HPSE2: variants seen among roughly 807,000 people sequenced by gnomAD.
The protein encoded by HPSE2 is inactive heparanase-2.
HPSE2 carries 38 observed loss-of-function variants against 60.5 expected under a neutral mutation model. The ratio of observed to expected loss-of-function variants is 0.63; its 90% CI spans 0.48 to 0.82. The LOEUF is 0.82. Ranked by LOEUF, HPSE2 falls within the 40% of genes least tolerant of loss-of-function variation. The probability of loss-of-function intolerance (pLI) is 0.00; values close to 1 mark genes in which losing one functional copy is unlikely to be tolerated. For missense variants in HPSE2, 713 were observed against 740.4 expected (o/e 0.96, Z 0.43); for synonymous variants, 295 against 293.2 (o/e 1.01, Z -0.06).
chr10:99,163,385 G>A (rs1262363478), intron 2 of HPSE2, among the ~76,000 whole-genome samples: 1 of 151,964 alleles, frequency 6.6e-6, no homozygotes, highest in Admixed American at 6.6e-5. Context: ...AATACGTAAA[G>A]TCCTCAGTTT....
At chr10:98,964,426 T>C (rs1260637854) in intron 3 of HPSE2, among the ~76,000 whole-genome samples, 1 of 152,158 alleles carries the variant, frequency 6.6e-6, no homozygotes, top group Non-Finnish European at 1.5e-5. Context: ...TTTAATAATC[T>C]TTTAGAATCC....
intron 3 of HPSE2, among the ~76,000 whole-genome samples, chr10:98,855,506 T>G (rs1419700258): frequency 6.6e-6 from 1 of 152,042 alleles, no homozygotes; most frequent in East Asian, 1.9e-4. Context: ...TCCATGCTCC[T>G]AGGGGACAGG....
intron 3 of HPSE2, among the ~76,000 whole-genome samples, chr10:98,840,015 C>CT (rs1383462143): frequency 2.6e-5 from 4 of 152,220 alleles, no homozygotes; most frequent in African/African-American, 9.6e-5. Context: ...TTGGATTTTT[C>CT]TTTTTTGCAA....
intron 2 of HPSE2, among the ~76,000 whole-genome samples, chr10:99,165,751 T>C (rs1472391374): frequency 6.6e-6 from 1 of 152,028 alleles, no homozygotes; most frequent in Non-Finnish European, 1.5e-5. Context: ...TTCACCATGC[T>C]GGTCAGGCTG....
intron 5 of HPSE2, among the ~76,000 whole-genome samples, chr10:98,697,299 C>A (rs10883163): frequency 0.57 from 87,319 of 151,940 alleles, 25,963 homozygotes; most frequent in South Asian, 0.78. Flanking sequence ...TAAGCAGTTT[C>A]GAGAGGAACA....
At chr10:98,654,781 T>C (rs1947014154) in intron 6 of HPSE2, among the ~76,000 whole-genome samples, 1 of 152,340 alleles carries the variant, frequency 6.6e-6, no homozygotes, top group Middle Eastern at 3.4e-3. Flanking sequence ...ATTTTTTTTG[T>C]TGAAAACTGA....
At position 98,614,992 on chromosome 10, in the gene HPSE2, G is replaced by T; in HGVS notation, c.1232C>A (p.Ala411Asp). Residue 411 changes from alanine to aspartate, a missense_variant, in exon 9 of 12, where the codon GCC (alanine) becomes GAC (aspartate). Ala to Asp is a moderately radical substitution (Grantham distance 126). Coordinates refer to ENST00000370552, the MANE Select transcript of HPSE2 (RefSeq NM_021828.5). Reference protein sequence around the residue: ...FLWLNTLGMLANQGIDVVIRH... With the variant: ...FLWLNTLGMLDNQGIDVVIRH... The stretch of plus-strand genomic sequence containing the variant: ...TATCACGACATCAATGCCCTGATTG[G>T]CCAGCATTCCTAAAGTGTTCAACCA... The T allele has an allele frequency of 6.2e-7, 1 of 1,613,778 alleles. No homozygotes were observed. Among genetic ancestry groups the T allele is most frequent in the Non-Finnish European group, 8.5e-7 (1 of 1,179,756 alleles).
intron 7 of HPSE2, among the ~76,000 whole-genome samples, chr10:98,627,896 A>G (rs985509409): frequency 2.0e-5 from 3 of 152,232 alleles, no homozygotes; most frequent in Non-Finnish European, 2.9e-5. Flanking sequence ...AAGCAGCAGG[A>G]AAGGCCAGTT....
chr10:98,588,358 T>C (rs1452067679), intron 9 of HPSE2, among the ~76,000 whole-genome samples: 1 of 152,136 alleles, frequency 6.6e-6, no homozygotes, highest in African/African-American at 2.4e-5. Flanking sequence ...AAGGAGAAAC[T>C]GAAAGACAGG....
At chr10:98,617,666 C>G (rs1225446349) in intron 8 of HPSE2, among the ~76,000 whole-genome samples, 1 of 152,190 alleles carries the variant, frequency 6.6e-6, no homozygotes, top group African/African-American at 2.4e-5. Context: ...AAGCAATGGT[C>G]TTCCCATTCT....
At chr10:99,263,893 C>T in the HPSE2 span, among the ~76,000 whole-genome samples, 1 of 152,142 alleles carries the variant, frequency 6.6e-6, no homozygotes, top group African/African-American at 2.4e-5. Flanking sequence ...TTGACTCCCT[C>T]TTGGAGTGGA....
At chr10:98,573,035 T>C (rs530783271) in intron 9 of HPSE2, among the ~76,000 whole-genome samples, 49 of 152,332 alleles carry the variant, frequency 3.2e-4, no homozygotes, top group Middle Eastern at 6.8e-3. Flanking sequence ...CAGCATGGTG[T>C]AGCAGAAAGG....
intron 5 of HPSE2, among the ~76,000 whole-genome samples, chr10:98,716,442 A>AAAT (rs1554974932): frequency 3.6e-4 from 53 of 148,084 alleles, no homozygotes; most frequent in African/African-American, 7.3e-4. Context: ...ATAATAATAA[A>AAAT]AAATAAATAA....
intron 3 of HPSE2, among the ~76,000 whole-genome samples, chr10:98,806,197 C>A (rs1323118921): frequency 6.6e-6 from 1 of 152,166 alleles, no homozygotes; most frequent in Non-Finnish European, 1.5e-5. Flanking sequence ...CTATTAGCAC[C>A]TGTTACATTC....
At chr10:98,661,272 G>C (rs955467811) in intron 6 of HPSE2, among the ~76,000 whole-genome samples, 2 of 152,184 alleles carry the variant, frequency 1.3e-5, no homozygotes, top group African/African-American at 4.8e-5. Context: ...TTCTGGTCTT[G>C]GAGAAGAAAA....
chr10:98,935,905 G>A (rs1954774546), intron 3 of HPSE2, among the ~76,000 whole-genome samples: 1 of 144,892 alleles, frequency 6.9e-6, no homozygotes, highest in African/African-American at 2.8e-5. Context: ...TGGGACCACA[G>A]CCACCCCTCC....
At chr10:99,305,293 G>A in the HPSE2 span, among the ~76,000 whole-genome samples, 1 of 152,184 alleles carries the variant, frequency 6.6e-6, no homozygotes, top group Non-Finnish European at 1.5e-5. Flanking sequence ...GTAAAGTGGA[G>A]TGAAAATTTC....
intron 9 of HPSE2, among the ~76,000 whole-genome samples, chr10:98,558,201 C>T (rs1166151731): frequency 6.6e-6 from 1 of 152,066 alleles, no homozygotes; most frequent in African/African-American, 2.4e-5. Context: ...GTTTATACAC[C>T]TTGGCAGTAT....
At chr10:98,871,263 C>T (rs942872456) in intron 3 of HPSE2, among the ~76,000 whole-genome samples, 1 of 152,028 alleles carries the variant, frequency 6.6e-6, no homozygotes, top group Non-Finnish European at 1.5e-5. Context: ...TCCATACAAC[C>T]CATACTTAAG....
Sources: gnomAD v4.1 joint callset for allele counts (sites outside exome capture counted in the v4.1 genomes callset) on GRCh38, gnomAD v4.1.1 for gene constraint, MANE v1.5 for transcripts, NCBI Gene and HGNC (gene_info 2026-07-23, HGNC 2026-07-21) for gene names.